EPM2A: variants seen among roughly 807,000 people sequenced by gnomAD.
The protein encoded by EPM2A is EPM2A glucan phosphatase, laforin.
A neutral mutation model predicts 26.5 loss-of-function variants in EPM2A; 21 were observed. The ratio of observed to expected loss-of-function variants is 0.79; its 90% CI spans 0.56 to 1.14. The LOEUF is 1.14. EPM2A is among the 50% of genes most tolerant of loss of function. The probability of loss-of-function intolerance (pLI) is 0.00; values close to 1 mark genes in which losing one functional copy is unlikely to be tolerated. For synonymous variants in EPM2A, 217 were observed against 177.6 expected, an observed-to-expected ratio of 1.22 and a Z score of -1.76; for missense variants, 458 against 440.8, an observed-to-expected ratio of 1.04 and a Z score of -0.35.
At chr6:145,514,534 A>G (rs1447281372) in intron 2 of EPM2A, among the ~76,000 whole-genome samples, 1 of 152,208 alleles carries the variant, frequency 6.6e-6, no homozygotes, top group East Asian at 1.9e-4. Flanking sequence ...TGAAGCAGAT[A>G]GATGTGTTTT....
chr6:145,563,115 TG>T (rs1780831287), intron 2 of EPM2A, among the ~76,000 whole-genome samples: 1 of 151,704 alleles, frequency 6.6e-6, no homozygotes, highest in Non-Finnish European at 1.5e-5. Context: ...GGCTTGATTT[TG>T]TGTTGCAGTT....
At chr6:145,388,339 T>A (rs890794839) in intron 4 of EPM2A, among the ~76,000 whole-genome samples, 1 of 152,162 alleles carries the variant, frequency 6.6e-6, no homozygotes, top group Non-Finnish European at 1.5e-5. Flanking sequence ...TATTAATCTC[T>A]GCCCTCTTCA....
chr6:145,668,373 T>C (rs1779390336), intron 2 of EPM2A, among the ~76,000 whole-genome samples: 1 of 152,162 alleles, frequency 6.6e-6, no homozygotes, highest in African/African-American at 2.4e-5. Context: ...AATAGATCTT[T>C]TTAAAAAATG....
chr6:145,696,716 A>C (rs1464458357), intron 1 of EPM2A, among the ~76,000 whole-genome samples: 1 of 151,952 alleles, frequency 6.6e-6, no homozygotes, highest in East Asian at 1.9e-4. Flanking sequence ...AGGAAAGAAA[A>C]TATCAAATAT....
chr6:145,441,930 G>A (rs1582758268), intron 4 of EPM2A, among the ~76,000 whole-genome samples: 1 of 152,000 alleles, frequency 6.6e-6, no homozygotes, highest in Non-Finnish European at 1.5e-5. Flanking sequence ...GTCACCCCTC[G>A]AATGCTTTGC....
At chr6:145,629,008 A>C (rs1776042366) in intron 3 of EPM2A, 1 of 152,318 alleles carries the variant, frequency 6.6e-6, no homozygotes, top group Non-Finnish European at 1.5e-5. Context: ...CATCATCCTC[A>C]GCTTCAGGCT....
intron 2 of EPM2A, among the ~76,000 whole-genome samples, chr6:145,514,133 G>A (rs1394615167): frequency 2.0e-5 from 3 of 152,160 alleles, no homozygotes; most frequent in Non-Finnish European, 2.9e-5. Flanking sequence ...ATGGTCCACC[G>A]TAATTGCAAG....
chr6:145,481,548 G>A (rs960768508), intron 4 of EPM2A, among the ~76,000 whole-genome samples: 2 of 151,954 alleles, frequency 1.3e-5, no homozygotes, highest in African/African-American at 4.8e-5. Context: ...TTAACTATAA[G>A]GGGCCACCTT....
chr6:145,456,971 T>C (rs1428359110), intron 4 of EPM2A, among the ~76,000 whole-genome samples: 1 of 152,202 alleles, frequency 6.6e-6, no homozygotes, highest in Non-Finnish European at 1.5e-5. Flanking sequence ...ATATTAAAAA[T>C]TCAAATAGAC....
chr6:145,673,919 GAGCAGTGGTTCTCCC>G (rs1020495740), intron 2 of EPM2A, among the ~76,000 whole-genome samples: 11 of 152,324 alleles, frequency 7.2e-5, no homozygotes, highest in Middle Eastern at 3.4e-3. Flanking sequence ...GCTCTGAAGA[GAGCAGTGGTTCTCCC>G]AGCAGTGGTT....
downstream of EPM2A, among the ~76,000 whole-genome samples, chr6:145,498,323 T>A (rs889637821): frequency 6.6e-6 from 1 of 152,212 alleles, no homozygotes; most frequent in African/African-American, 2.4e-5. Flanking sequence ...CCAATGCTGC[T>A]TGGACCCCTG....
chr6:145,403,205 T>C (rs571288114), intron 4 of EPM2A, among the ~76,000 whole-genome samples: 32 of 152,242 alleles, frequency 2.1e-4, no homozygotes, highest in African/African-American at 6.7e-4. Flanking sequence ...GAATGGGGTA[T>C]CCATCACCTC....
intron 2 of EPM2A, among the ~76,000 whole-genome samples, chr6:145,683,735 G>A (rs1780721580): frequency 6.6e-6 from 1 of 152,250 alleles, no homozygotes; most frequent in Admixed American, 6.5e-5. Flanking sequence ...TGGGGCGGAG[G>A]AAGTATGCAG....
chr6:145,458,732 T>A (rs897637236), intron 4 of EPM2A, among the ~76,000 whole-genome samples: 1 of 151,894 alleles, frequency 6.6e-6, no homozygotes, highest in Non-Finnish European at 1.5e-5. Context: ...AACCAAAAAA[T>A]CCTGATGAAA....
At chr6:145,392,113 A>C (rs1778344686) in intron 4 of EPM2A, among the ~76,000 whole-genome samples, 1 of 152,198 alleles carries the variant, frequency 6.6e-6, no homozygotes, top group South Asian at 2.1e-4. Flanking sequence ...GACTAAAGCT[A>C]ACCAGGAGGA....
intron 4 of EPM2A, among the ~76,000 whole-genome samples, chr6:145,410,867 T>C (rs1778633618): frequency 6.6e-6 from 1 of 152,336 alleles, no homozygotes; most frequent in Middle Eastern, 3.4e-3. Flanking sequence ...CAGCCACATT[T>C]ACAATTCTTA....
intron 2 of EPM2A, among the ~76,000 whole-genome samples, chr6:145,658,762 C>A (rs1778473465): frequency 6.6e-6 from 1 of 152,112 alleles, no homozygotes; most frequent in Non-Finnish European, 1.5e-5. Flanking sequence ...AAATTCAAAT[C>A]TCAAAAATGG....
intron 2 of EPM2A, among the ~76,000 whole-genome samples, chr6:145,668,627 G>T (rs922158466): frequency 6.6e-6 from 1 of 152,104 alleles, no homozygotes; most frequent in Non-Finnish European, 1.5e-5. Flanking sequence ...GGATGGAGGA[G>T]AATCTGGGAA....
intron 1 of EPM2A, among the ~76,000 whole-genome samples, chr6:145,719,589 T>A (rs1425160839): frequency 1.3e-5 from 2 of 152,146 alleles, no homozygotes; most frequent in Non-Finnish European, 2.9e-5. Context: ...AACCTGCACA[T>A]TGTGTACATG....
Sources: allele counts gnomAD v4.1 joint callset (sites outside exome capture counted in the v4.1 genomes callset), GRCh38; gene constraint gnomAD v4.1.1; transcripts MANE v1.5; gene names NCBI Gene and HGNC (gene_info 2026-07-23, HGNC 2026-07-21).